DSCAM: variants seen among roughly 807,000 people sequenced by gnomAD.
DSCAM encodes the protein DS cell adhesion molecule.
Under a neutral mutation model 217.7 loss-of-function variants are expected in DSCAM, and 47 were observed. The ratio of observed to expected loss-of-function variants is 0.22; its 90% CI spans 0.17 to 0.28. DSCAM has a LOEUF of 0.28. Among genes scored for constraint, DSCAM ranks in the 10% least tolerant of loss-of-function variants. The pLI is 1.00. For synonymous variants in DSCAM, 1,056 were observed against 1,015.3 expected (o/e 1.04, Z -0.76); for missense variants, 2,080 against 2,618.3 (o/e 0.79, Z 4.49).
intron 3 of DSCAM, among the ~76,000 whole-genome samples, chr21:40,587,090 CAT>C (rs2076952219): frequency 8.5e-6 from 1 of 117,896 alleles, no homozygotes; most frequent in African/African-American, 2.7e-5. Context: ...GATCAACAAA[CAT>C]ACAAAAAAGG....
At chr21:40,576,013 A>G (rs2076847567) in intron 3 of DSCAM, among the ~76,000 whole-genome samples, 1 of 152,224 alleles carries the variant, frequency 6.6e-6, no homozygotes, top group African/African-American at 2.4e-5. Context: ...ATATGGAGCA[A>G]CAAGAACTAT....
At chr21:40,295,906 A>T in intron 10 of DSCAM, 149 bp downstream of exon 10, 1 of 940,418 alleles carries the variant, frequency 1.1e-6, no homozygotes, top group Non-Finnish European at 1.5e-6. Context: ...GACAACTAGG[A>T]ATGTCTATGA....
intron 3 of DSCAM, among the ~76,000 whole-genome samples, chr21:40,595,275 G>T (rs370209607): frequency 1.3e-5 from 2 of 152,060 alleles, no homozygotes; most frequent in African/African-American, 4.8e-5. Flanking sequence ...CTACTCAGGA[G>T]GCTGAGGTGG....
chr21:40,500,428 ATC>A (rs1332281186), intron 3 of DSCAM, among the ~76,000 whole-genome samples: 1 of 152,192 alleles, frequency 6.6e-6, no homozygotes, highest in Non-Finnish European at 1.5e-5. Context: ...AGGAATAAAT[ATC>A]TGTTTTAAAA....
At chr21:40,521,384 A>C (rs371933662) in intron 3 of DSCAM, among the ~76,000 whole-genome samples, 1 of 152,124 alleles carries the variant, frequency 6.6e-6, no homozygotes, top group East Asian at 1.9e-4. Flanking sequence ...ACAGTGTGTA[A>C]GGGTTTCCTT....
chr21:40,526,253 C>A (rs1020793764), intron 3 of DSCAM, among the ~76,000 whole-genome samples: 8 of 152,166 alleles, frequency 5.3e-5, no homozygotes, highest in Non-Finnish European at 1.0e-4. Context: ...ACCCTCTGAG[C>A]ACTTTGCAGA....
rs76885144 is a variant in DSCAM at position 40,055,688 on chromosome 21, A to G, written c.5035+37T>C. The G allele has an allele frequency of 4.4e-3, 6,634 of 1,509,294 alleles. 245 individuals carry two copies. The African/African-American group carries it at 0.077, about 17-fold the overall frequency. 93.5% of individuals were successfully genotyped at this position (1,509,294 alleles called of 1,614,324 possible). A position where few individuals can be genotyped will look rare whatever the true frequency, so the allele number is the denominator to read the frequency against. On this transcript the variant is annotated intron_variant, in intron 29 of 32. Coordinates refer to ENST00000400454, the MANE Select transcript of DSCAM (RefSeq NM_001389.5). Reference sequence around the variant, plus strand: ...TGGATTGAGAAGGCATGGCTGTGGCAGCCACTTTGTGTAAAGTGGCAAATA... The same window carrying G: ...TGGATTGAGAAGGCATGGCTGTGGCGGCCACTTTGTGTAAAGTGGCAAATA...
At chr21:40,356,225 T>C (rs375133001) in intron 4 of DSCAM, among the ~76,000 whole-genome samples, 1 of 152,146 alleles carries the variant, frequency 6.6e-6, no homozygotes, top group Non-Finnish European at 1.5e-5. Context: ...TCTAGAGGTT[T>C]ACTATGCAGC....
At chr21:40,346,828 G>T (rs9979440) in intron 6 of DSCAM, among the ~76,000 whole-genome samples, 3,042 of 152,216 alleles carry the variant, frequency 0.02, 56 homozygotes, top group Non-Finnish European at 0.027. Context: ...ACCAACCACT[G>T]TACTGACATT....
chr21:40,178,778 T>C, intron 15 of DSCAM, 149 bp downstream of exon 15: 2 of 922,794 alleles, frequency 2.2e-6, no homozygotes, highest in Non-Finnish European at 3.2e-6. Flanking sequence ...GCTGTCTGCG[T>C]TTTTTATAGG....
intron 3 of DSCAM, among the ~76,000 whole-genome samples, chr21:40,373,878 C>G (rs1206435955): frequency 6.6e-6 from 1 of 152,158 alleles, no homozygotes; most frequent in East Asian, 1.9e-4. Context: ...CTAAACTTTG[C>G]TTTCTTCATC....
At chr21:40,757,722 A>C (rs959299650) in intron 1 of DSCAM, among the ~76,000 whole-genome samples, 1 of 152,228 alleles carries the variant, frequency 6.6e-6, no homozygotes, top group African/African-American at 2.4e-5. Context: ...CCTTACTAGA[A>C]GAGCTGCACA....
chr21:40,171,938 G>A (rs948837247), intron 15 of DSCAM, among the ~76,000 whole-genome samples: 3 of 152,158 alleles, frequency 2.0e-5, no homozygotes, highest in African/African-American at 4.8e-5. Flanking sequence ...AACTAAATTT[G>A]AAAATTGTGT....
At chr21:40,362,889 A>G (rs959883889) in intron 4 of DSCAM, among the ~76,000 whole-genome samples, 2 of 152,194 alleles carry the variant, frequency 1.3e-5, no homozygotes, top group Admixed American at 6.5e-5. Flanking sequence ...TAAAATTAAA[A>G]TGAACTCAAA....
intron 3 of DSCAM, among the ~76,000 whole-genome samples, chr21:40,581,903 T>C (rs1212467392): frequency 6.6e-6 from 1 of 152,376 alleles, no homozygotes; most frequent in East Asian, 1.9e-4. Context: ...AAACATATTT[T>C]CAATTCCAAA....
intron 3 of DSCAM, among the ~76,000 whole-genome samples, chr21:40,639,720 C>T (rs142740095): frequency 6.6e-6 from 1 of 150,490 alleles, no homozygotes; most frequent in African/African-American, 2.4e-5. Flanking sequence ...TCATGATTAG[C>T]TAGGCTGTGG....
intron 1 of DSCAM, among the ~76,000 whole-genome samples, chr21:40,776,201 C>A (rs911986423): frequency 6.6e-6 from 1 of 151,958 alleles, no homozygotes; most frequent in South Asian, 2.1e-4. Context: ...TAAATAAATA[C>A]CTCTAATATA....
chr21:40,496,759 T>A (rs2076121676), intron 3 of DSCAM, among the ~76,000 whole-genome samples: 1 of 151,952 alleles, frequency 6.6e-6, no homozygotes, highest in Non-Finnish European at 1.5e-5. Context: ...GGGATTAATA[T>A]CTAAAAGATA....
intron 2 of DSCAM, among the ~76,000 whole-genome samples, chr21:40,694,964 G>A (rs1198923952): frequency 6.6e-6 from 1 of 152,152 alleles, no homozygotes; most frequent in Non-Finnish European, 1.5e-5. Flanking sequence ...GAGGACAGAG[G>A]AGAAAGAGGG....
Sources: gnomAD v4.1 joint callset for allele counts (sites outside exome capture counted in the v4.1 genomes callset) on GRCh38, gnomAD v4.1.1 for gene constraint, MANE v1.5 for transcripts, NCBI Gene and HGNC (gene_info 2026-07-23, HGNC 2026-07-21) for gene names.